POLN: variants seen among roughly 807,000 people sequenced by gnomAD.
POLN encodes DNA polymerase N.
Under a neutral mutation model 113.5 loss-of-function variants are expected in POLN, and 108 were observed. The observed-to-expected ratio is 0.95, with a 90% CI of 0.81 to 1.12. The LOEUF (loss-of-function observed/expected upper bound fraction) is 1.12. Among genes scored for constraint, POLN ranks in the 50% most tolerant of loss-of-function variants. POLN has a pLI of 0.00. For missense variants in POLN, 1,097 were observed against 1,077.1 expected (o/e 1.02, Z -0.26); for synonymous variants, 386 against 391.5 (o/e 0.99, Z 0.17).
intron 3 of POLN, among the ~76,000 whole-genome samples, chr4:2,224,100 AT>A (rs1204643421): frequency 6.6e-6 from 1 of 152,144 alleles, no homozygotes; most frequent in Non-Finnish European, 1.5e-5. Context: ...GAACAAAAAT[AT>A]TTTTTCTTCA....
chr4:2,172,759 T>A (rs1170522095), intron 11 of POLN, among the ~76,000 whole-genome samples: 1 of 152,198 alleles, frequency 6.6e-6, no homozygotes, highest in African/African-American at 2.4e-5. Context: ...TTGGGCATTA[T>A]TGAATAAAAC....
rs755004383 is a variant in POLN, at chr4:2,129,214, A to G, written c.1832T>C (p.Phe611Ser). ...AAAGGTGTGGCCTTTGGATGAAACA[A>G]ACATGGCCCTCGGGGAGATCGTGAG... Reference protein sequence around the residue: ...KILTISPRAMFVSSKGHTFLA... With the variant: ...KILTISPRAMSVSSKGHTFLA... The change falls in exon 18 of 26, where the codon TTT becomes TCT. Residue 611 changes from phenylalanine to serine, a missense_variant. Phe to Ser is a radical substitution (Grantham distance 155). Transcript: ENST00000511885. 6.2e-7 allele frequency: 1 copy of G among 1,601,646 alleles called. No individual in the cohort carries two copies. The highest frequency in any genetic ancestry group is 1.1e-5 in the South Asian group (1 of 90,800).
intron 2 of POLN, chr4:2,231,867 T>C: frequency 2.7e-6 from 2 of 747,346 alleles, no homozygotes; most frequent in Non-Finnish European, 4.5e-6. Context: ...GTGTTTATTA[T>C]ACACAGTCTT....
chr4:2,185,345 G>A (rs1733243797), intron 7 of POLN, among the ~76,000 whole-genome samples: 2 of 152,238 alleles, frequency 1.3e-5, no homozygotes, highest in South Asian at 4.1e-4. Context: ...TCCAGACTGT[G>A]AGAAATTCTA....
intron 2 of POLN, chr4:2,239,063 T>A: frequency 7.4e-7 from 1 of 1,359,066 alleles, no homozygotes; most frequent in Non-Finnish European, 9.8e-7. Flanking sequence ...GAAAAGCAAT[T>A]ACATTTCAAA....
chr4:2,081,870 C>G, intron 21 of POLN, 127 bp from the exon 22 acceptor site: 1 of 729,930 alleles, frequency 1.4e-6, no homozygotes, highest in Non-Finnish European at 2.3e-6. Flanking sequence ...CAAGCCTCCC[C>G]TGGGCCCTTC....
intron 13 of POLN, 93 bp downstream of exon 13, chr4:2,170,586 C>G (rs1577738446): frequency 3.7e-6 from 4 of 1,093,078 alleles, no homozygotes; most frequent in Admixed American, 4.5e-5. Flanking sequence ...GAGGGGACGG[C>G]CTGAGAGTCT....
At chr4:2,153,258 G>A (rs968644907) in intron 16 of POLN, among the ~76,000 whole-genome samples, 1 of 152,176 alleles carries the variant, frequency 6.6e-6, no homozygotes, top group Non-Finnish European at 1.5e-5. Context: ...AGATATATAT[G>A]GGCCTATATG....
intron 19 of POLN, among the ~76,000 whole-genome samples, chr4:2,100,763 G>A (rs1308176238): frequency 6.6e-6 from 1 of 152,132 alleles, no homozygotes; most frequent in African/African-American, 2.4e-5. Context: ...GGGAAGCAAA[G>A]AAAAAGCCCC....
At chr4:2,238,531 A>T in intron 2 of POLN, 1 of 976,748 alleles carries the variant, frequency 1.0e-6, no homozygotes, top group Non-Finnish European at 1.4e-6. Flanking sequence ...CCAAAATTTT[A>T]GCTCAAACTC....
chr4:2,234,463 G>A (rs1734686638), intron 2 of POLN: 1 of 153,188 alleles, frequency 6.5e-6, no homozygotes, highest in African/African-American at 2.4e-5. Context: ...CCTTGGTCTT[G>A]ACCTGGGACA....
At chr4:2,209,285 T>C (rs1733931468) in intron 4 of POLN, among the ~76,000 whole-genome samples, 1 of 151,798 alleles carries the variant, frequency 6.6e-6, no homozygotes, top group Admixed American at 6.6e-5. Context: ...TTCGAGACCA[T>C]CCTGACCAAC....
At chr4:2,151,715 G>A (rs907453651) in intron 16 of POLN, among the ~76,000 whole-genome samples, 1 of 152,208 alleles carries the variant, frequency 6.6e-6, no homozygotes, top group Non-Finnish European at 1.5e-5. Flanking sequence ...AGCCCGACAG[G>A]AGGAGTCCAT....
intron 19 of POLN, among the ~76,000 whole-genome samples, chr4:2,124,405 T>C (rs972834440): frequency 6.6e-6 from 1 of 152,098 alleles, no homozygotes; most frequent in African/African-American, 2.4e-5. Flanking sequence ...CAGCCAGGAC[T>C]ACAGGATAGG....
At chr4:2,103,522 C>G (rs1730979929) in intron 19 of POLN, among the ~76,000 whole-genome samples, 1 of 152,080 alleles carries the variant, frequency 6.6e-6, no homozygotes, top group Admixed American at 6.5e-5. Flanking sequence ...GATCTAAAGG[C>G]TCAGAAAACC....
At chr4:2,197,048 G>C (rs1335690661) in intron 6 of POLN, among the ~76,000 whole-genome samples, 1 of 152,178 alleles carries the variant, frequency 6.6e-6, no homozygotes, top group Non-Finnish European at 1.5e-5. Context: ...AGACCTCGAG[G>C]GCGAGGGCCT....
At chr4:2,156,641 C>G in intron 16 of POLN, 147 bp downstream of exon 16, 1 of 703,484 alleles carries the variant, frequency 1.4e-6, no homozygotes, top group African/African-American at 1.8e-5. Flanking sequence ...GCTATGTTCT[C>G]AGAATAAACA....
chr4:2,165,569 G>C (rs1732708429), intron 13 of POLN, among the ~76,000 whole-genome samples: 1 of 152,168 alleles, frequency 6.6e-6, no homozygotes, highest in South Asian at 2.1e-4. Context: ...CCCAAGAGCA[G>C]TCCAAGAGTA....
intron 2 of POLN, among the ~76,000 whole-genome samples, chr4:2,238,245 G>A (rs919835426): frequency 2.0e-5 from 3 of 151,978 alleles, no homozygotes; most frequent in Non-Finnish European, 4.4e-5. Context: ...TTCTCCAAAT[G>A]CAGTCAGTCC....
Sources: allele counts gnomAD v4.1 joint callset (sites outside exome capture counted in the v4.1 genomes callset), GRCh38; gene constraint gnomAD v4.1.1; transcripts MANE v1.5; gene names NCBI Gene and HGNC (gene_info 2026-07-23, HGNC 2026-07-21).